HMG20A: variants seen among roughly 807,000 people sequenced by gnomAD.
HMG20A encodes high mobility group 20A, also known as high mobility group protein 20A.
A neutral mutation model predicts 43.9 loss-of-function variants in HMG20A; 17 were observed. The ratio of observed to expected loss-of-function variants is 0.39; its 90% CI spans 0.27 to 0.58. HMG20A has a LOEUF of 0.58. Among genes scored for constraint, HMG20A ranks in the 20% least tolerant of loss-of-function variants. The pLI is 0.59. For synonymous variants in HMG20A, 132 were observed against 147.5 expected (o/e 0.89, Z 0.76); for missense variants, 341 against 438.2 (o/e 0.78, Z 1.98).
chr15:77,443,296 A>G (rs1389445622), intron 1 of HMG20A, among the ~76,000 whole-genome samples: 1 of 149,228 alleles, frequency 6.7e-6, no homozygotes, highest in Non-Finnish European at 1.5e-5. Flanking sequence ...GCCTCCCAAC[A>G]CTTTGAACAT....
At chr15:77,478,149 A>G (rs2072873092) in intron 7 of HMG20A, 146 bp from the exon 8 acceptor site, 1 of 689,520 alleles carries the variant, frequency 1.5e-6, no homozygotes, top group Non-Finnish European at 2.5e-6. Context: ...TGAAATTGCT[A>G]TCTGGAATGC....
At chr15:77,503,850 T>G in the HMG20A span, among the ~76,000 whole-genome samples, 11 of 152,250 alleles carry the variant, frequency 7.2e-5, no homozygotes, top group South Asian at 2.3e-3. Flanking sequence ...GTGATATGTA[T>G]GCTCCCGGTC....
the HMG20A span, among the ~76,000 whole-genome samples, chr15:77,508,145 C>T: frequency 0.081 from 12,286 of 152,166 alleles, 619 homozygotes; most frequent in Non-Finnish European, 0.11. Flanking sequence ...GGAGGAGGGA[C>T]GGGGAGGTCC....
the HMG20A span, among the ~76,000 whole-genome samples, chr15:77,497,175 CTT>C: frequency 6.6e-6 from 1 of 152,232 alleles, no homozygotes; most frequent in Admixed American, 6.5e-5. Context: ...AGCTGGCTCT[CTT>C]TGTGTTTCGT....
the HMG20A span, among the ~76,000 whole-genome samples, chr15:77,512,254 G>C: frequency 1.3e-5 from 2 of 152,060 alleles, no homozygotes; most frequent in Admixed American, 6.6e-5. Context: ...GCCAGGGGGT[G>C]GGGGGAGGAG....
intron 1 of HMG20A, among the ~76,000 whole-genome samples, chr15:77,443,367 G>T (rs1333548307): frequency 2.2e-4 from 28 of 125,982 alleles, no homozygotes; most frequent in South Asian, 5.1e-4. Context: ...TGATGATGAT[G>T]ATGATGATGA....
At chr15:77,432,186 C>A (rs1311262091) in intron 1 of HMG20A, among the ~76,000 whole-genome samples, 1 of 152,020 alleles carries the variant, frequency 6.6e-6, no homozygotes, top group Admixed American at 6.6e-5. Flanking sequence ...AAATAACTGC[C>A]AATCTAGAAA....
chr15:77,451,766 G>A lies in HMG20A; in HGVS notation c.-4-6638G>A, dbSNP rs2142313369. Among the ~76,000 whole-genome samples, 3 of 152,230 alleles carry A rather than the reference G, an allele frequency of 2.0e-5. 1 individual carries two copies. The highest frequency in any genetic ancestry group is 3.4e-3 in the Middle Eastern group (1 of 292). On this transcript the variant is annotated intron_variant, in intron 1 of 9. Transcript: ENST00000336216. ...AAAAACAGAGCAGGGAAGGAGGTTAGGAACAGTTCAAGGAAAGGGGGTGTC... is the reference window on the plus strand; with the variant it reads ...AAAAACAGAGCAGGGAAGGAGGTTAAGAACAGTTCAAGGAAAGGGGGTGTC...
chr15:77,478,069 C>G, intron 7 of HMG20A: 1 of 571,146 alleles, frequency 1.8e-6, no homozygotes, highest in African/African-American at 1.9e-5. Flanking sequence ...CTGTTTGTTG[C>G]AATCTTATGT....
the HMG20A span, among the ~76,000 whole-genome samples, chr15:77,497,682 A>AGT: frequency 2.9e-3 from 341 of 119,064 alleles, 5 homozygotes; most frequent in African/African-American, 9.2e-3. Context: ...AGAGAGAGAG[A>AGT]GTGTGTGTGT....
At chr15:77,472,235 A>G (rs1166882153) in intron 6 of HMG20A, among the ~76,000 whole-genome samples, 1 of 152,186 alleles carries the variant, frequency 6.6e-6, no homozygotes. Context: ...ATGTCGATAG[A>G]GCACAAGCGA....
intron 1 of HMG20A, among the ~76,000 whole-genome samples, chr15:77,435,675 C>A (rs1162100399): frequency 6.6e-6 from 1 of 152,162 alleles, no homozygotes; most frequent in Non-Finnish European, 1.5e-5. Flanking sequence ...TCTACATTCC[C>A]TATACACAAA....
At chr15:77,450,231 G>A (rs373700631) in intron 1 of HMG20A, among the ~76,000 whole-genome samples, 6 of 152,126 alleles carry the variant, frequency 3.9e-5, no homozygotes, top group African/African-American at 9.6e-5. Context: ...CAGGGTTCGC[G>A]CCATTCTCCT....
rs764662673 is a variant in HMG20A, at chr15:77,479,331, C to A, written c.*6+10C>A. ...CGATCGTTAGGGAATGGTGAGTGCT[C>A]ACTGATAAATATTTATATGCCAGCA... On this transcript the variant is annotated intron_variant, in intron 9 of 9. Coordinates refer to ENST00000336216, the MANE Select transcript of HMG20A (RefSeq NM_001304504.2). The A allele has an allele frequency of 1.6e-5, 25 of 1,611,146 alleles. No homozygotes were observed. The highest frequency in any genetic ancestry group is 2.0e-5 in the Non-Finnish European group (24 of 1,178,800).
chr15:77,452,755 G>C (rs1368032019), intron 1 of HMG20A, among the ~76,000 whole-genome samples: 1 of 152,052 alleles, frequency 6.6e-6, no homozygotes, highest in Non-Finnish European at 1.5e-5. Context: ...AAGATAATTT[G>C]TACTTTAAAG....
rs1567394419 is a variant in HMG20A at position 77,443,382 on chromosome 15, T to TGATGATGATG, written c.-4-15022_-4-15021insGATGATGATG. ...TGATGATGATGATGATGATGATGAT[T>TGATGATGATG]ATTATTATTATTATTATTATTATTA... On this transcript the variant is annotated intron_variant, in intron 1 of 9. Coordinates refer to ENST00000336216, the MANE Select transcript of HMG20A (RefSeq NM_001304504.2). 5.4e-3 allele frequency among the ~76,000 whole-genome samples: 561 copies of TGATGATGATG among 104,488 alleles called. 1 individual carries two copies. The highest frequency in any genetic ancestry group is 0.018 in the African/African-American group (523 of 28,394). 68.5% of individuals were successfully genotyped at this position (104,488 alleles called of 152,430 possible). A position where few individuals can be genotyped will look rare whatever the true frequency, so the allele number is the denominator to read the frequency against.
chr15:77,495,727 A>G, the HMG20A span, among the ~76,000 whole-genome samples: 64 of 152,232 alleles, frequency 4.2e-4, 1 homozygote, highest in Admixed American at 5.9e-4. Context: ...AATGAGGACA[A>G]TTGCCTGGCC....
At chr15:77,440,259 A>G (rs998440538) in intron 1 of HMG20A, among the ~76,000 whole-genome samples, 2 of 152,184 alleles carry the variant, frequency 1.3e-5, no homozygotes, top group Non-Finnish European at 2.9e-5. Flanking sequence ...TGCCTAGCCT[A>G]AGATCATGAA....
downstream of HMG20A, among the ~76,000 whole-genome samples, chr15:77,486,364 G>A (rs975159500): frequency 1.3e-5 from 2 of 150,862 alleles, no homozygotes; most frequent in African/African-American, 2.4e-5. Context: ...AGTTTCAAGC[G>A]ATTCTCCTGC....
Sources: gnomAD v4.1 joint callset for allele counts (sites outside exome capture counted in the v4.1 genomes callset) on GRCh38, gnomAD v4.1.1 for gene constraint, MANE v1.5 for transcripts, NCBI Gene and HGNC (gene_info 2026-07-23, HGNC 2026-07-21) for gene names.